Variants in TECTA observed in about 807,000 individuals in gnomAD.
TECTA encodes the protein alpha-tectorin.
Under a neutral mutation model 216.8 loss-of-function variants are expected in TECTA, and 128 were observed. The observed-to-expected ratio is 0.59, with a 90% confidence interval of 0.51 to 0.68. The LOEUF is 0.68. TECTA is among the 30% of genes least tolerant of loss of function. The pLI is 0.00. For synonymous variants in TECTA, 1,089 were observed against 1,117.1 expected (o/e 0.97, Z 0.50); for missense variants, 2,551 against 2,786.2 (o/e 0.92, Z 1.90).
At chr11:121,151,413 G>C (rs1271317938) in intron 12 of TECTA, among the ~76,000 whole-genome samples, 6 of 152,186 alleles carry the variant, frequency 3.9e-5, no homozygotes, top group African/African-American at 1.2e-4. Flanking sequence ...CAGTGCAAAA[G>C]CAATAATTTG....
intron 7 of TECTA, among the ~76,000 whole-genome samples, chr11:121,119,011 ACACACAC>A (rs1946531141): frequency 4.7e-5 from 7 of 149,838 alleles, no homozygotes; most frequent in East Asian, 3.9e-4. Flanking sequence ...ACACACACAC[ACACACAC>A]ACACACACAC....
chr11:121,165,355 C>T lies in TECTA; in HGVS notation c.5355C>T (p.Gly1785=). ...CELGNGRELC[G]CIEPPPYGNN... ...TGGGCAATGGCAGGGAGCTGTGTGG[C>T]TGCATCGAGCCACCCCCCTATGGAA... The change falls in exon 17 of 24, where the codon GGC becomes GGT. Residue 1785 remains glycine (G), a synonymous_variant. Transcript: ENST00000392793. 1.2e-6 allele frequency: 2 copies of T among 1,600,382 alleles called. No homozygotes were observed. The highest frequency in any genetic ancestry group is 1.7e-6 in the Non-Finnish European group (2 of 1,173,382).
Position 121,129,503 on chromosome 11 carries a change from T to G in TECTA, c.2368-135T>G, listed in dbSNP as rs643744. 0.7 allele frequency: 599,490 copies of G among 850,766 alleles called. 212,820 individuals carry two copies. The highest frequency in any genetic ancestry group is 0.87 in the African/African-American group (52,154 of 60,246). 52.7% of individuals were successfully genotyped at this position (850,766 alleles called of 1,614,324 possible). ...GCCCATGACAAATCGGTTGGTATCT[T>G]TGTGGGTTCCATCAGCTTCTTGACC... is the stretch of plus-strand genomic sequence containing the variant. On this transcript the variant is annotated intron_variant, in intron 9 of 23. Transcript: ENST00000392793.
chr11:121,168,904 G>A lies in TECTA; in HGVS notation c.5978G>A (p.Arg1993Gln), dbSNP rs199881827. The change falls in exon 20 of 24, where the codon CGA becomes CAA. Residue 1993 changes from arginine (R) to glutamine (Q), a missense_variant. By Grantham distance (43) the Arg-to-Gln change is conservative. Around this residue, in one of 3 missense-constraint regions of TECTA, gnomAD observed 58 missense variants for 105.9 expected, o/e 0.55. Transcript: ENST00000392793. ...TPTRDSNDKL[R>Q]YFIIEGGCQN... Reference sequence around the variant, plus strand: ...ACCCGAGATAGCAATGATAAGCTCCGATATTTCATCATTGAAGGAGGGTGA... The same window carrying A: ...ACCCGAGATAGCAATGATAAGCTCCAATATTTCATCATTGAAGGAGGGTGA... The A allele has an allele frequency of 2.0e-5, 33 of 1,614,070 alleles. 1 individual carries two copies. In the Middle Eastern group the frequency reaches 4.9e-4, roughly 24 times the overall value.
rs1393232613 is a variant in TECTA at position 121,113,573 on chromosome 11, C to T, written c.645C>T (p.Asn215=). 2.5e-6 allele frequency: 4 copies of T among 1,613,942 alleles called. No homozygotes were observed. In the South Asian group the frequency reaches 4.4e-5, roughly 18 times the overall value. The part of the protein sequence containing the change: ...VMAQAGFNGG[N]LTNFFSLPGS... ...TGCAGGCAGGATTTAATGGTGGAAA[C>T]CTCACCAATTTCTTCAGCCTCCCGG... The change falls in exon 6 of 24, where the codon AAC becomes AAT. Residue 215 remains asparagine, a synonymous_variant. Coordinates refer to ENST00000392793, the MANE Select transcript of TECTA (RefSeq NM_005422.4). This position sits in a 1 kb window ranked among gnomAD's most constrained non-coding sequence, Gnocchi z 4.2.
rs121909062 is a variant in TECTA, at chr11:121,187,894, G to A, written c.6062G>A (p.Arg2021His). 8 of 1,614,192 alleles carry A rather than the reference G, an allele frequency of 5.0e-6. No homozygotes were observed. The highest frequency in any genetic ancestry group is 1.7e-5 in the Admixed American group (1 of 60,026). Residue 2021 changes from arginine to histidine, a missense_variant, in exon 21 of 24, where the codon CGC (arginine) becomes CAC (histidine). By Grantham distance (29) the Arg-to-His change is conservative. Coordinates refer to ENST00000392793, the MANE Select transcript of TECTA (RefSeq NM_005422.4). ...GAGAATGCAGTCTCCCTGACCTGTCGCTTTCACGTCACCGTCTTTAAATTC... is the reference window on the plus strand; with the variant it reads ...GAGAATGCAGTCTCCCTGACCTGTCACTTTCACGTCACCGTCTTTAAATTC... ...IEENAVSLTC[R>H]FHVTVFKFIG...
At position 121,129,845 on chromosome 11, in the gene TECTA, G is replaced by A. The variant is rs192787819; in HGVS notation, c.2575G>A (p.Glu859Lys). The change falls in exon 10 of 24, where the codon GAG (glutamate) becomes AAG (lysine). Residue 859 changes from glutamate (E) to lysine (K), a missense_variant. Physicochemically the swap from Glu to Lys is moderately conservative, Grantham distance 56. Transcript: ENST00000392793. ...CGFYNANASDEFCLPNGKCTD... is the reference protein window; with the variant it reads ...CGFYNANASDKFCLPNGKCTD... ...CTTCTACAATGCCAACGCCAGTGAC[G>A]AGTTCTGTCTCCCCAACGGCAAGTG... is the stretch of plus-strand genomic sequence containing the variant. The A allele has an allele frequency of 3.8e-5, 61 of 1,614,220 alleles. No individual in the cohort carries two copies. The African/African-American group carries it at 6.4e-4, about 17-fold the overall frequency.
At chr11:121,178,552 G>A (rs1278134289) in intron 20 of TECTA, among the ~76,000 whole-genome samples, 1 of 150,482 alleles carries the variant, frequency 6.6e-6, no homozygotes, top group African/African-American at 2.5e-5. Context: ...GTGTGTGTGT[G>A]TGTGTGTGTG....
intron 7 of TECTA, among the ~76,000 whole-genome samples, chr11:121,120,344 A>G (rs1365885773): frequency 6.6e-6 from 1 of 152,224 alleles, no homozygotes; most frequent in Admixed American, 6.5e-5. Flanking sequence ...TCCAACTGCA[A>G]GCTAACAATG....
chr11:121,170,294 G>C (rs566855403), intron 20 of TECTA, among the ~76,000 whole-genome samples: 1 of 152,300 alleles, frequency 6.6e-6, no homozygotes, highest in East Asian at 1.9e-4. Flanking sequence ...TGGCTATTGT[G>C]AATAGTGCTG....
intron 12 of TECTA, among the ~76,000 whole-genome samples, chr11:121,152,522 G>A (rs1946900327): frequency 1.3e-5 from 2 of 152,208 alleles, no homozygotes; most frequent in Non-Finnish European, 2.9e-5. Context: ...AGAGGCAGGA[G>A]GAGTGTGGGT....
At chr11:121,114,102 A>G (rs183845530) in intron 6 of TECTA, among the ~76,000 whole-genome samples, 2 of 152,100 alleles carry the variant, frequency 1.3e-5, no homozygotes, top group South Asian at 2.1e-4. Flanking sequence ...TCTCATCCTT[A>G]TTCTCGCTCT....
chr11:121,163,597 A>C (rs1208003638), intron 16 of TECTA, among the ~76,000 whole-genome samples: 1 of 152,190 alleles, frequency 6.6e-6, no homozygotes, highest in Non-Finnish European at 1.5e-5. Flanking sequence ...CTTAAAGTAT[A>C]ATAATAATAA....
intron 7 of TECTA, among the ~76,000 whole-genome samples, chr11:121,123,124 G>A (rs1349880023): frequency 1.3e-5 from 2 of 152,184 alleles, no homozygotes; most frequent in Non-Finnish European, 2.9e-5. Context: ...AGTCTCATGT[G>A]CCAGAAATCA....
chr11:121,118,856 C>A, intron 7 of TECTA, 138 bp downstream of exon 7: 1 of 1,174,762 alleles, frequency 8.5e-7, no homozygotes, highest in Non-Finnish European at 1.2e-6. Context: ...CCCCGCCTTG[C>A]AAATAGCTTG....
At chr11:121,122,045 A>G (rs565886409) in intron 7 of TECTA, among the ~76,000 whole-genome samples, 1 of 152,222 alleles carries the variant, frequency 6.6e-6, no homozygotes, top group Non-Finnish European at 1.5e-5. Context: ...GAATAAATTA[A>G]TCAACTCCTT....
At chr11:121,139,016 G>A (rs1403152891) in intron 11 of TECTA, among the ~76,000 whole-genome samples, 29 of 152,192 alleles carry the variant, frequency 1.9e-4, no homozygotes, top group Non-Finnish European at 7.3e-5. Flanking sequence ...CAACTATACT[G>A]ACTTCTTTTC....
In TECTA at chr11:121,113,784, T is replaced by TA. The variant is rs1428144416; in HGVS notation, c.790+68dup. On this transcript the variant is annotated intron_variant, in intron 6 of 23. Coordinates refer to ENST00000392793, the MANE Select transcript of TECTA (RefSeq NM_005422.4). This position sits in a 1 kb window ranked among gnomAD's most constrained non-coding sequence, Gnocchi z 4.2. ...TAGTGTAGATTGACAGGCAAGCTTT[T>TA]AAGCCACGGGGGCGGACTCATTCCT... 9 of 1,595,254 alleles carry TA rather than the reference T, an allele frequency of 5.6e-6. No individual in the cohort carries two copies. The highest frequency in any genetic ancestry group is 1.3e-5 in the African/African-American group (1 of 74,362).
intron 7 of TECTA, among the ~76,000 whole-genome samples, chr11:121,120,832 G>A (rs1490352024): frequency 6.6e-6 from 1 of 152,186 alleles, no homozygotes; most frequent in Non-Finnish European, 1.5e-5. Context: ...AGTGAACAGG[G>A]AGCCAAGGCC....
Sources: allele counts gnomAD v4.1 joint callset (sites outside exome capture counted in the v4.1 genomes callset), GRCh38; gene constraint gnomAD v4.1.1; regional missense constraint gnomAD v4.1.1; non-coding constraint Gnocchi (gnomAD v3.1); transcripts MANE v1.5; gene names NCBI Gene and HGNC (gene_info 2026-07-23, HGNC 2026-07-21).